The following ZHX3 variants were observed in gnomAD, a reference collection of about 807,000 sequenced individuals.
The protein encoded by ZHX3 is zinc fingers and homeoboxes 3.
In ZHX3, 20 loss-of-function variants were observed where a neutral mutation model predicts 64.5. That is an observed-to-expected ratio of 0.31 (90% CI 0.22 to 0.45). The LOEUF is 0.45. Among genes scored for constraint, ZHX3 ranks in the 20% least tolerant of loss-of-function variants. ZHX3 has a pLI of 1.00. For missense variants in ZHX3, 1,041 were observed against 1,195.8 expected, an observed-to-expected ratio of 0.87 and a Z score of 1.91; for synonymous variants, 423 against 461.6, an observed-to-expected ratio of 0.92 and a Z score of 1.07.
At chr20:41,315,392 A>G (rs1231134389) in intron 1 of ZHX3, among the ~76,000 whole-genome samples, 2 of 119,542 alleles carry the variant, frequency 1.7e-5, no homozygotes, top group Non-Finnish European at 3.2e-5. Flanking sequence ...ACGGGGTGTC[A>G]CCATGCTGGC....
In ZHX3 at chr20:41,270,983, C is replaced by T. The variant is rs995313795; in HGVS notation, c.-244-1900G>A. 4.6e-5 allele frequency among the ~76,000 whole-genome samples: 7 copies of T among 152,174 alleles called. No individual in the cohort carries two copies. The East Asian group carries it at 1.3e-3, about 29-fold the overall frequency. On this transcript the variant is annotated intron_variant, in intron 1 of 3. Transcript: ENST00000683867. ...CTTGAGGCCAGGAGTTCAAGACCAACCTGGGCACCAGGGTGAGACCACAGT... is the reference window on the plus strand; with the variant it reads ...CTTGAGGCCAGGAGTTCAAGACCAATCTGGGCACCAGGGTGAGACCACAGT...
intron 1 of ZHX3, among the ~76,000 whole-genome samples, chr20:41,301,771 C>T (rs1232536617): frequency 5.3e-5 from 8 of 152,064 alleles, no homozygotes; most frequent in African/African-American, 1.9e-4. Context: ...AGGAACAGGC[C>T]AGGCCGGGCG....
rs954419828 is a variant in ZHX3 at position 41,185,445 on chromosome 20, T to C, written c.2861-244A>G. ...CTCTCTGAGAGACCCTGCTAAACCC[T>C]AGGCCTAGCAGCAGGAGCAGTGGTT... On this transcript the variant is annotated intron_variant, in intron 3 of 3. Transcript: ENST00000683867. The surrounding 1 kb of genome is among the most constrained non-coding windows in gnomAD (Gnocchi z 5.0). 6 of 588,334 alleles carry C rather than the reference T, an allele frequency of 1.0e-5. No individual in the cohort carries two copies. Among genetic ancestry groups the C allele is most frequent in the African/African-American group, 9.3e-5 (5 of 53,662 alleles). The allele number at this position is 588,334 out of a possible 1,614,324, so 36.4% of individuals were successfully genotyped here. A position where few individuals can be genotyped will look rare whatever the true frequency, so the allele number is the denominator to read the frequency against.
chr20:41,253,503 A>G (rs2042091377), intron 2 of ZHX3, among the ~76,000 whole-genome samples: 1 of 152,178 alleles, frequency 6.6e-6, no homozygotes, highest in African/African-American at 2.4e-5. Flanking sequence ...GTCACTTTAA[A>G]TTCTGGTAGA....
rs563094174 is a variant in ZHX3 at position 41,282,558 on chromosome 20, C to A, written c.-244-13475G>T. Among the ~76,000 whole-genome samples the A allele has an allele frequency of 4.6e-4, 70 of 152,144 alleles. No individual in the cohort carries two copies. The South Asian group carries it at 0.014, about 31-fold the overall frequency. On this transcript the variant is annotated intron_variant, in intron 1 of 3. Coordinates refer to ENST00000683867, the MANE Select transcript of ZHX3 (RefSeq NM_001384317.1). ...TAATTTTAGTAGAGACAGGGTTTCA[C>A]CATGTTGGGCGGGCTGTTCTCGAAC... is the stretch of plus-strand genomic sequence containing the variant.
intron 1 of ZHX3, among the ~76,000 whole-genome samples, chr20:41,285,916 G>A (rs1305225073): frequency 6.6e-6 from 1 of 152,178 alleles, no homozygotes; most frequent in Non-Finnish European, 1.5e-5. Flanking sequence ...AGTATGCCTA[G>A]TACAGAGTAA....
At chr20:41,274,330 C>T (rs916764552) in intron 1 of ZHX3, among the ~76,000 whole-genome samples, 13 of 152,330 alleles carry the variant, frequency 8.5e-5, no homozygotes, top group Admixed American at 4.6e-4. Flanking sequence ...CTTCGCAGAA[C>T]AGTATCAGGA....
At chr20:41,213,434 C>T (rs571257173) in intron 2 of ZHX3, among the ~76,000 whole-genome samples, 8 of 152,190 alleles carry the variant, frequency 5.3e-5, no homozygotes, top group Non-Finnish European at 2.9e-5. Flanking sequence ...TACTTCCTGA[C>T]TCACCTTGGT....
chr20:41,251,160 GAT>G (rs36122180), intron 2 of ZHX3, among the ~76,000 whole-genome samples: 87,424 of 150,876 alleles, frequency 0.58, 26,557 homozygotes, highest in East Asian at 0.82. Flanking sequence ...AATATGGGGA[GAT>G]ATATATATAT....
intron 2 of ZHX3, among the ~76,000 whole-genome samples, chr20:41,216,899 A>G (rs907090911): frequency 1.3e-5 from 2 of 152,202 alleles, no homozygotes; most frequent in Admixed American, 1.3e-4. Flanking sequence ...GATATATAAA[A>G]CACTAATTAC....
Position 41,222,033 on chromosome 20 carries a change from G to A in ZHX3, c.-150-16967C>T, listed in dbSNP as rs545918987. On this transcript the variant is annotated intron_variant, in intron 2 of 3. Transcript: ENST00000683867. ...TTTGAGCAGAAGGTTGGCGTCATCC[G>A]ACACGTGTCCTTCAGCATGGCTCTG... Among the ~76,000 whole-genome samples, 16 of 152,328 alleles carry A rather than the reference G, an allele frequency of 1.1e-4. No homozygotes were observed. The South Asian group carries it at 2.3e-3, about 22-fold the overall frequency.
rs1030743625 is a variant in ZHX3 at position 41,202,475 on chromosome 20, A to C, written c.2442T>G (p.Asp814Glu). ...PRPEVVRWFG[D>E]SRYALKNGQL... Reference sequence around the variant, plus strand: ...GGCCGTTCTTCAGTGCGTACCTGCTATCTCCAAACCAGCGCACCACCTCTG... The same window carrying C: ...GGCCGTTCTTCAGTGCGTACCTGCTCTCTCCAAACCAGCGCACCACCTCTG... Residue 814 changes from aspartate (D) to glutamate (E), a missense_variant, in exon 3 of 4, where the codon GAT becomes GAG. By Grantham distance (45) the Asp-to-Glu change is conservative. This residue lies in a region of ZHX3 where 649 missense variants were observed against 739.8 expected (regional missense o/e 0.88). Transcript: ENST00000683867. This position sits in a 1 kb window ranked among gnomAD's most constrained non-coding sequence, Gnocchi z 7.0. 2 of 1,614,104 alleles carry C rather than the reference A, an allele frequency of 1.2e-6. No homozygotes were observed. Among genetic ancestry groups the C allele is most frequent in the Non-Finnish European group, 1.7e-6 (2 of 1,180,018 alleles).
intron 1 of ZHX3, among the ~76,000 whole-genome samples, chr20:41,307,971 A>C (rs1009331225): frequency 1.2e-4 from 19 of 152,220 alleles, no homozygotes; most frequent in African/African-American, 4.6e-4. Flanking sequence ...CCTAGTTCAC[A>C]GCAGGAATAC....
intron 3 of ZHX3, among the ~76,000 whole-genome samples, chr20:41,191,010 C>T (rs776942427): frequency 6.6e-6 from 1 of 152,168 alleles, no homozygotes; most frequent in Non-Finnish European, 1.5e-5. Context: ...ATAGAGAATA[C>T]CTTTTTGCAC....
intron 1 of ZHX3, among the ~76,000 whole-genome samples, chr20:41,291,054 T>A (rs977299487): frequency 3.3e-5 from 5 of 152,192 alleles, no homozygotes; most frequent in African/African-American, 4.8e-5. Flanking sequence ...AGTAAATATG[T>A]TGCTCAATTA....
intron 1 of ZHX3, among the ~76,000 whole-genome samples, chr20:41,283,818 C>T (rs1410453165): frequency 2.0e-5 from 3 of 152,006 alleles, no homozygotes; most frequent in Admixed American, 1.3e-4. Context: ...ATGAGGATCA[C>T]ACTCTCCAGT....
chr20:41,314,453 A>G (rs1008175256), intron 1 of ZHX3, among the ~76,000 whole-genome samples: 1 of 152,242 alleles, frequency 6.6e-6, no homozygotes. Context: ...AGCTATAATT[A>G]TATCTCTGGG....
chr20:41,201,358 G>A lies in ZHX3; in HGVS notation c.2860+699C>T, dbSNP rs1346894596. ...TGTCAAAGGGTAAGGAGGGAAGGGA[G>A]AGGCTGGGAACTCAGTGACCAGGAA... is the stretch of plus-strand genomic sequence containing the variant. On this transcript the variant is annotated intron_variant, in intron 3 of 3. Transcript: ENST00000683867. This position sits in a 1 kb window ranked among gnomAD's most constrained non-coding sequence, Gnocchi z 5.0. 1.5e-6 allele frequency: 2 copies of A among 1,304,630 alleles called. No homozygotes were observed. The highest frequency in any genetic ancestry group is 1.0e-6 in the Non-Finnish European group (1 of 989,072). The allele number at this position is 1,304,630 out of a possible 1,614,324, so 80.8% of individuals were successfully genotyped here.
In ZHX3 at chr20:41,179,009, A is replaced by G. The variant is rs1409795601; in HGVS notation, c.*6182T>C. 3.3e-5 allele frequency: 5 copies of G among 152,662 alleles called. No homozygotes were observed. Among genetic ancestry groups the G allele is most frequent in the Admixed American group, 6.5e-5 (1 of 15,286 alleles). 9.5% of individuals were successfully genotyped at this position (152,662 alleles called of 1,614,324 possible). ...GCCCAGAAGTCCGGCCACAGGGAACAAGGCTTTGTGCTGAAGACCAAAATG... is the reference window on the plus strand; with the variant it reads ...GCCCAGAAGTCCGGCCACAGGGAACGAGGCTTTGTGCTGAAGACCAAAATG... On this transcript the variant is annotated 3_prime_UTR_variant, in exon 4 of 4. Transcript: ENST00000683867. This position sits in a 1 kb window ranked among gnomAD's most constrained non-coding sequence, Gnocchi z 4.3.
Sources: allele counts gnomAD v4.1 joint callset (sites outside exome capture counted in the v4.1 genomes callset), GRCh38; gene constraint gnomAD v4.1.1; regional missense constraint gnomAD v4.1.1; non-coding constraint Gnocchi (gnomAD v3.1); transcripts MANE v1.5; gene names NCBI Gene and HGNC (gene_info 2026-07-23, HGNC 2026-07-21).